Variants in SEMA4D observed in about 807,000 individuals in gnomAD.
The protein encoded by SEMA4D is semaphorin 4D.
A neutral mutation model predicts 74.8 loss-of-function variants in SEMA4D; 22 were observed. The ratio of observed to expected loss-of-function variants is 0.29; its 90% CI spans 0.21 to 0.42. SEMA4D has a LOEUF of 0.42. Ranked by LOEUF, SEMA4D falls within the 10% of genes least tolerant of loss-of-function variation. The pLI is 1.00. For synonymous variants in SEMA4D, 445 were observed against 463.7 expected, an observed-to-expected ratio of 0.96 and a Z score of 0.52; for missense variants, 937 against 1,118.4, an observed-to-expected ratio of 0.84 and a Z score of 2.31.
chr9:89,428,082 C>G (rs1848479563), intron 2 of SEMA4D, among the ~76,000 whole-genome samples: 1 of 152,186 alleles, frequency 6.6e-6, no homozygotes. Context: ...GACGCTGGCT[C>G]CAACACCCAG....
At chr9:89,389,077 C>A in intron 9 of SEMA4D, 30 bp from the exon 10 acceptor site, 1 of 1,612,056 alleles carries the variant, frequency 6.2e-7, no homozygotes, top group Non-Finnish European at 8.5e-7. Flanking sequence ...ACGTGGTGGG[C>A]CGAGAGTGGA....
At chr9:89,398,989 T>C (rs1205181955) in intron 5 of SEMA4D, among the ~76,000 whole-genome samples, 2 of 152,260 alleles carry the variant, frequency 1.3e-5, no homozygotes, top group Non-Finnish European at 2.9e-5. Flanking sequence ...ACCAGTGTTC[T>C]GTAGTCAAAG....
downstream of SEMA4D, chr9:89,377,001 G>A: frequency 1.3e-6 from 2 of 1,549,416 alleles, no homozygotes; most frequent in East Asian, 2.4e-5. Flanking sequence ...ACATGGCCCA[G>A]ACAGGACAGG....
At chr9:89,374,029 ACT>A (rs1175900743), downstream of SEMA4D, among the ~76,000 whole-genome samples, 4 of 152,132 alleles carry the variant, frequency 2.6e-5, no homozygotes, top group South Asian at 4.1e-4. Flanking sequence ...GGCTGAAGCC[ACT>A]CTCTCCTAAG....
intron 2 of SEMA4D, chr9:89,405,976 C>T (rs915077436): frequency 4.3e-5 from 47 of 1,091,944 alleles, no homozygotes; most frequent in Admixed American, 1.6e-4. Flanking sequence ...GTGGGGCACC[C>T]GGCAGACACA....
chr9:89,473,726 A>G (rs7855975), intron 1 of SEMA4D, among the ~76,000 whole-genome samples: 12,551 of 152,116 alleles, frequency 0.083, 751 homozygotes, highest in Admixed American at 0.16. Flanking sequence ...ATGGTGGCAC[A>G]TGACTGTAAT....
rs1308181979 is a variant in SEMA4D, at chr9:89,379,107, T to G, written c.2186A>C (p.Lys729Thr). The change falls in exon 16 of 16, where the codon AAG becomes ACG. Residue 729 changes from lysine (K) to threonine (T), a missense_variant. Physicochemically the swap from Lys to Thr is moderately conservative, Grantham distance 78. Transcript: ENST00000422704. ...CATGAGGAGGCGGTTGTCGCTGGAC[T>G]TAAGATACATGGTTTTCTCCGAGTG... Reference protein sequence around the residue: ...QLHSEKTMYLKSSDNRLLMSL... With the variant: ...QLHSEKTMYLTSSDNRLLMSL... The G allele has an allele frequency of 6.2e-6, 10 of 1,614,178 alleles. No homozygotes were observed. Among genetic ancestry groups the G allele is most frequent in the Non-Finnish European group, 7.6e-6 (9 of 1,180,032 alleles).
chr9:89,408,168 A>G (rs1843715910), intron 2 of SEMA4D, among the ~76,000 whole-genome samples: 1 of 152,260 alleles, frequency 6.6e-6, no homozygotes, highest in African/African-American at 2.4e-5. Context: ...TCATATTACT[A>G]TATAACTAAT....
At chr9:89,376,820 G>A, downstream of SEMA4D, 1 of 1,544,214 alleles carries the variant, frequency 6.5e-7, no homozygotes, top group Non-Finnish European at 8.8e-7. Flanking sequence ...GGGACAGAGA[G>A]GGCCCAACTC....
Position 89,434,519 on chromosome 9 carries a change from A to G in SEMA4D, c.-244+21369T>C, listed in dbSNP as rs1849971090. Among the ~76,000 whole-genome samples the G allele has an allele frequency of 2.0e-5, 3 of 152,220 alleles. No homozygotes were observed. In the South Asian group the frequency reaches 6.2e-4, roughly 32 times the overall value. ...TCGCAGGCCCTAGAAACAGCATCTA[A>G]GAGAGTAGAGTGAAAGTTTTTCTTC... On this transcript the variant is annotated intron_variant, in intron 2 of 15. Coordinates refer to ENST00000422704, the MANE Select transcript of SEMA4D (RefSeq NM_001371194.2).
chr9:89,405,748 C>T (rs1843183554), intron 2 of SEMA4D, 49 bp from the exon 3 acceptor site: 1 of 1,372,404 alleles, frequency 7.3e-7, no homozygotes, highest in East Asian at 2.7e-5. Context: ...GAGTGATGAC[C>T]TGCTTCTCAC....
chr9:89,463,511 G>A (rs1317511657), intron 1 of SEMA4D, among the ~76,000 whole-genome samples: 1 of 152,162 alleles, frequency 6.6e-6, no homozygotes, highest in Non-Finnish European at 1.5e-5. Flanking sequence ...TTCTCATCCA[G>A]GTCATGACCA....
Position 89,475,404 on chromosome 9 carries a change from G to C in SEMA4D, c.-309-19451C>G, listed in dbSNP as rs368069258. ...ACTCCTGCCAGCCCAACCACACCAG[G>C]ACTGGTCCATGGGTCACAGCCTTGG... On this transcript the variant is annotated intron_variant, in intron 1 of 15. Transcript: ENST00000422704. 3.3e-5 allele frequency among the ~76,000 whole-genome samples: 5 copies of C among 152,280 alleles called. No homozygotes were observed. In the East Asian group the frequency reaches 7.7e-4, roughly 23 times the overall value.
intron 1 of SEMA4D, chr9:89,497,534 A>T (rs1278659399): frequency 6.6e-6 from 1 of 151,536 alleles, no homozygotes; most frequent in Non-Finnish European, 1.5e-5. Context: ...GGCCTGGCCG[A>T]GCGCACCGCC....
intron 4 of SEMA4D, among the ~76,000 whole-genome samples, chr9:89,399,785 G>A (rs1207868806): frequency 6.6e-6 from 1 of 151,994 alleles, no homozygotes; most frequent in East Asian, 1.9e-4. Flanking sequence ...ATCACCTGAG[G>A]TCAGGAGTTC....
chr9:89,386,070 C>T, intron 13 of SEMA4D: 1 of 985,482 alleles, frequency 1.0e-6, no homozygotes, highest in Non-Finnish European at 1.2e-6. Flanking sequence ...AAGGTGTCTT[C>T]ATGGAGCAGT....
intron 4 of SEMA4D, among the ~76,000 whole-genome samples, chr9:89,399,906 G>T (rs571411097): frequency 6.7e-6 from 1 of 149,644 alleles, no homozygotes; most frequent in Non-Finnish European, 1.5e-5. Flanking sequence ...GCTGAGGCAG[G>T]AGAATCTCTT....
intron 2 of SEMA4D, among the ~76,000 whole-genome samples, chr9:89,415,073 G>A (rs1465674758): frequency 6.6e-6 from 1 of 152,220 alleles, no homozygotes; most frequent in East Asian, 1.9e-4. Flanking sequence ...GAGGAAGGGT[G>A]GGGACCCCTC....
chr9:89,381,547 C>G lies in SEMA4D; in HGVS notation c.1447-201G>C, dbSNP rs1273287129. ...GCAGAATCCACGTGCTATGTCAGGG[C>G]TCACTGGGCCTTAGGTCCAAATCCC... is the stretch of plus-strand genomic sequence containing the variant. On this transcript the variant is annotated intron_variant, in intron 13 of 15. Coordinates refer to ENST00000422704, the MANE Select transcript of SEMA4D (RefSeq NM_001371194.2). This position sits in a 1 kb window ranked among gnomAD's most constrained non-coding sequence, Gnocchi z 4.6. 2.1e-6 allele frequency: 1 copy of G among 477,522 alleles called. No individual in the cohort carries two copies. The highest frequency in any genetic ancestry group is 3.6e-6 in the Non-Finnish European group (1 of 275,756). The allele number at this position is 477,522 out of a possible 1,614,324, so 29.6% of individuals were successfully genotyped here. A position where few individuals can be genotyped will look rare whatever the true frequency, so the allele number is the denominator to read the frequency against.
Sources: allele counts gnomAD v4.1 joint callset (sites outside exome capture counted in the v4.1 genomes callset), GRCh38; gene constraint gnomAD v4.1.1; non-coding constraint Gnocchi (gnomAD v3.1); transcripts MANE v1.5; gene names NCBI Gene and HGNC (gene_info 2026-07-23, HGNC 2026-07-21).